NEBL: variants seen among roughly 807,000 people sequenced by gnomAD.
The protein encoded by NEBL is nebulette.
NEBL carries 122 observed loss-of-function variants against 140.2 expected under a neutral mutation model. That is an observed-to-expected ratio of 0.87 (90% CI 0.75 to 1.01). NEBL has a LOEUF of 1.01. Among genes scored for constraint, NEBL ranks in the 50% least tolerant of loss-of-function variants. The pLI is 0.00. For synonymous variants in NEBL, 436 were observed against 398.9 expected, an observed-to-expected ratio of 1.09 and a Z score of -1.11; for missense variants, 1,365 against 1,231.3, an observed-to-expected ratio of 1.11 and a Z score of -1.62.
chr10:20,984,893 G>T (rs118010113), intron 3 of NEBL, among the ~76,000 whole-genome samples: 126 of 152,200 alleles, frequency 8.3e-4, no homozygotes, highest in Admixed American at 1.2e-3. Flanking sequence ...ATCAGCGGTG[G>T]CATTAGATTC....
At chr10:20,885,374 T>C (rs1157767820) in intron 4 of NEBL, among the ~76,000 whole-genome samples, 1 of 152,174 alleles carries the variant, frequency 6.6e-6, no homozygotes, top group African/African-American at 2.4e-5. Flanking sequence ...TTATTCAAAG[T>C]CTAGGTTTTT....
chr10:20,971,828 T>A (rs1267128442), intron 3 of NEBL, among the ~76,000 whole-genome samples: 1 of 152,040 alleles, frequency 6.6e-6, no homozygotes, highest in African/African-American at 2.4e-5. Flanking sequence ...TTAGCCAGGA[T>A]GGTCTCGATC....
At chr10:20,817,217 A>C (rs1190669243) in intron 21 of NEBL, among the ~76,000 whole-genome samples, 1 of 152,112 alleles carries the variant, frequency 6.6e-6, no homozygotes, top group Admixed American at 6.5e-5. Flanking sequence ...AAATACAAAA[A>C]TTAGCCAGGT....
At chr10:20,862,211 A>G (rs1472832747) in intron 7 of NEBL, among the ~76,000 whole-genome samples, 1 of 152,196 alleles carries the variant, frequency 6.6e-6, no homozygotes, top group Non-Finnish European at 1.5e-5. Context: ...AACAATAATC[A>G]ATCTGTTATT....
intron 2 of NEBL, among the ~76,000 whole-genome samples, chr10:21,110,147 T>G (rs1049855161): frequency 5.7e-4 from 87 of 152,218 alleles, no homozygotes; most frequent in Non-Finnish European, 1.6e-4. Context: ...AATGTTCATT[T>G]ATTATAATTG....
chr10:20,938,259 A>G (rs969544675), intron 4 of NEBL, among the ~76,000 whole-genome samples: 1 of 152,222 alleles, frequency 6.6e-6, no homozygotes, highest in Non-Finnish European at 1.5e-5. Context: ...GGAACGATCA[A>G]GCAGCAACAT....
chr10:21,095,908 C>A (rs893413586), intron 2 of NEBL, among the ~76,000 whole-genome samples: 3 of 152,130 alleles, frequency 2.0e-5, no homozygotes, highest in African/African-American at 7.2e-5. Context: ...CTCTACAAAT[C>A]CCCTAACTAG....
chr10:21,119,514 T>C (rs1227402907), intron 2 of NEBL, among the ~76,000 whole-genome samples: 1 of 145,310 alleles, frequency 6.9e-6, no homozygotes, highest in Admixed American at 6.9e-5. Flanking sequence ...TATAGTTATA[T>C]TGAGTAATAT....
At chr10:20,970,611 T>C (rs947875461) in intron 3 of NEBL, among the ~76,000 whole-genome samples, 2 of 151,710 alleles carry the variant, frequency 1.3e-5, no homozygotes, top group African/African-American at 2.4e-5. Context: ...ATCATGCCAC[T>C]GCACTCCAGC....
Position 21,042,975 on chromosome 10 carries a change from T to A in NEBL, c.165-22774A>T, listed in dbSNP as rs1273799387. 4.6e-5 allele frequency among the ~76,000 whole-genome samples: 7 copies of A among 152,296 alleles called. No homozygotes were observed. The East Asian group carries it at 1.4e-3, about 29-fold the overall frequency. Reference sequence around the variant, plus strand: ...AGACTTTTCTTTTCTTCTTCAAAAATAACATTGCCCAAGAAATCAAGGAGA... The same window carrying A: ...AGACTTTTCTTTTCTTCTTCAAAAAAAACATTGCCCAAGAAATCAAGGAGA... On this transcript the variant is annotated intron_variant, in intron 2 of 6. Coordinates refer to the NEBL transcript ENST00000417816.
intron 2 of NEBL, among the ~76,000 whole-genome samples, chr10:20,893,551 C>T (rs1847204895): frequency 6.6e-6 from 1 of 152,080 alleles, no homozygotes; most frequent in South Asian, 2.1e-4. Flanking sequence ...ATACTGATGC[C>T]CAAAGTGAAG....
intron 1 of NEBL, among the ~76,000 whole-genome samples, chr10:21,282,097 G>C (rs563785091): frequency 6.6e-6 from 1 of 152,268 alleles, no homozygotes; most frequent in African/African-American, 2.4e-5. Context: ...CTTTTGAAGG[G>C]AGAGGTTGAA....
intron 4 of NEBL, among the ~76,000 whole-genome samples, chr10:20,950,693 C>T (rs757723199): frequency 3.2e-4 from 48 of 152,076 alleles, no homozygotes; most frequent in Non-Finnish European, 6.2e-4. Flanking sequence ...AGTCAAAGCC[C>T]CAGATTCTGG....
Position 20,896,960 on chromosome 10 carries a change from C to T in NEBL, c.151G>A (p.Asp51Asn), listed in dbSNP as rs1269179367. ...CAAAAATTACTCCAGCCACTTACAT[C>T]GCTAATGAGTTCCGTGCATTTTCTG... ...LARKCTELISDIRYKEEFKKS... is the reference protein window; with the variant it reads ...LARKCTELISNIRYKEEFKKS... The change falls in exon 2 of 28, where the codon GAT becomes AAT. Residue 51 changes from aspartate (D) to asparagine (N), a missense_variant and splice_region_variant. Asp to Asn is a conservative substitution (Grantham distance 23). This residue lies in a region of NEBL where 1,323 missense variants were observed against 1,154.8 expected (regional missense o/e 1.15). Transcript: ENST00000377122. 3 of 1,613,534 alleles carry T rather than the reference C, an allele frequency of 1.9e-6. No homozygotes were observed. The highest frequency in any genetic ancestry group is 1.7e-6 in the Non-Finnish European group (2 of 1,179,588).
chr10:20,997,776 T>C (rs1837733147), intron 3 of NEBL, among the ~76,000 whole-genome samples: 1 of 152,114 alleles, frequency 6.6e-6, no homozygotes, highest in African/African-American at 2.4e-5. Flanking sequence ...ATTAGATGCT[T>C]GAGATAGGAT....
chr10:21,216,654 C>T (rs932183946), intron 3 of NEBL, among the ~76,000 whole-genome samples: 2 of 151,998 alleles, frequency 1.3e-5, no homozygotes, highest in African/African-American at 4.8e-5. Context: ...ACCTGTAGAC[C>T]CAGCTTCTTG....
intron 3 of NEBL, among the ~76,000 whole-genome samples, chr10:21,002,717 C>T (rs935162010): frequency 6.6e-6 from 1 of 152,192 alleles, no homozygotes; most frequent in African/African-American, 2.4e-5. Flanking sequence ...GGAAGCGCTA[C>T]ACACTTTTAA....
At chr10:21,101,384 C>A (rs10828188) in intron 2 of NEBL, among the ~76,000 whole-genome samples, 64,962 of 152,076 alleles carry the variant, frequency 0.43, 17,113 homozygotes, top group Middle Eastern at 0.6. Context: ...TAAAACAATC[C>A]ACGCAGAAGT....
intron 3 of NEBL, among the ~76,000 whole-genome samples, chr10:21,222,374 C>T (rs947590734): frequency 1.3e-5 from 2 of 151,688 alleles, no homozygotes; most frequent in Non-Finnish European, 2.9e-5. Flanking sequence ...CTTTAAATTA[C>T]GTATTTTGCT....
Sources: allele counts gnomAD v4.1 joint callset (sites outside exome capture counted in the v4.1 genomes callset), GRCh38; gene constraint gnomAD v4.1.1; regional missense constraint gnomAD v4.1.1; transcripts MANE v1.5; gene names NCBI Gene and HGNC (gene_info 2026-07-23, HGNC 2026-07-21).